RORA: variants seen among roughly 807,000 people sequenced by gnomAD.
The protein encoded by RORA is RAR related orphan receptor A.
In RORA, 7 loss-of-function variants were observed where a neutral mutation model predicts 69.5. That is an observed-to-expected ratio of 0.10 (90% confidence interval 0.06 to 0.19). The LOEUF (loss-of-function observed/expected upper bound fraction) is 0.19, where lower values mean the gene tolerates loss of function less well. Ranked by LOEUF, RORA falls within the 10% of genes least tolerant of loss-of-function variation. The probability of loss-of-function intolerance (pLI) is 1.00; values close to 1 mark genes in which losing one functional copy is unlikely to be tolerated. For synonymous variants in RORA, 261 were observed against 240.8 expected, an observed-to-expected ratio of 1.08 and a Z score of -0.78; for missense variants, 457 against 663.0, an observed-to-expected ratio of 0.69 and a Z score of 3.41.
At chr15:60,525,986 G>T (rs1282420986) in intron 3 of RORA, among the ~76,000 whole-genome samples, 1 of 152,028 alleles carries the variant, frequency 6.6e-6, no homozygotes, top group African/African-American at 2.4e-5. Context: ...GGCATGCATG[G>T]ATTAAAATCA....
rs760218800 is a variant in RORA at position 60,514,764 on chromosome 15, T to G, written c.283-7A>C. 1.9e-6 allele frequency: 3 copies of G among 1,612,780 alleles called. No individual in the cohort carries two copies. In the African/African-American group the frequency reaches 4.0e-5, roughly 22 times the overall value. ...GACTTCTCCTGAAAAAGCCCTGTGA[T>G]ATGGTTATAAAATATAAAACAGGTT... On this transcript the variant is annotated splice_polypyrimidine_tract_variant and splice_region_variant and intron_variant, in intron 3 of 10. Coordinates refer to ENST00000335670, the MANE Select transcript of RORA (RefSeq NM_134261.3).
intron 3 of RORA, among the ~76,000 whole-genome samples, chr15:60,515,516 T>C (rs2141342038): frequency 6.6e-6 from 1 of 152,280 alleles, no homozygotes; most frequent in Middle Eastern, 3.4e-3. Context: ...ACTTTATTTT[T>C]GTTTGTTTTT....
At chr15:61,026,145 AATT>A (rs1367718928) in intron 1 of RORA, among the ~76,000 whole-genome samples, 1 of 152,192 alleles carries the variant, frequency 6.6e-6, no homozygotes, top group East Asian at 1.9e-4. Context: ...GAGCTACCAC[AATT>A]ATTATCAACC....
chr15:60,967,343 C>T (rs1055057609), intron 1 of RORA, among the ~76,000 whole-genome samples: 2 of 152,130 alleles, frequency 1.3e-5, no homozygotes, highest in Non-Finnish European at 2.9e-5. Context: ...ACCCCTACCC[C>T]CAAATATTAC....
intron 2 of RORA, among the ~76,000 whole-genome samples, chr15:60,674,457 C>T (rs540656195): frequency 6.6e-6 from 1 of 152,244 alleles, no homozygotes; most frequent in South Asian, 2.1e-4. Context: ...AATTCAAAGC[C>T]AAGTCTCTGG....
intron 1 of RORA, among the ~76,000 whole-genome samples, chr15:61,177,600 G>C (rs1417233077): frequency 2.0e-5 from 3 of 152,000 alleles, no homozygotes; most frequent in Non-Finnish European, 4.4e-5. Flanking sequence ...GCCAGGGTGG[G>C]AGTCAAAGAG....
intron 2 of RORA, among the ~76,000 whole-genome samples, chr15:60,536,149 A>G (rs1225814840): frequency 6.6e-6 from 1 of 152,226 alleles, no homozygotes; most frequent in Non-Finnish European, 1.5e-5. Flanking sequence ...AAGGCCGGGC[A>G]GATTACTTAA....
In RORA at chr15:60,497,362, T is replaced by C; in HGVS notation, c.*93A>G. The C allele has an allele frequency of 9.5e-7, 1 of 1,048,056 alleles. No homozygotes were observed. The highest frequency in any genetic ancestry group is 1.6e-5 in the South Asian group (1 of 63,766). 64.9% of individuals were successfully genotyped at this position (1,048,056 alleles called of 1,614,324 possible). A position where few individuals can be genotyped will look rare whatever the true frequency, so the allele number is the denominator to read the frequency against. Reference sequence around the variant, plus strand: ...TGTGCAGTGTGTGGCGCTCCAGGTCTGTGCAGGGCCATATAAAGTGTCTCG... The same window carrying C: ...TGTGCAGTGTGTGGCGCTCCAGGTCCGTGCAGGGCCATATAAAGTGTCTCG... On this transcript the variant is annotated 3_prime_UTR_variant, in exon 11 of 11. Coordinates refer to ENST00000335670, the MANE Select transcript of RORA (RefSeq NM_134261.3).
chr15:60,611,559 CAAAAA>C (rs533598270), intron 2 of RORA, among the ~76,000 whole-genome samples: 770 of 35,732 alleles, frequency 0.022, 3 homozygotes, highest in Middle Eastern at 0.042. Flanking sequence ...TTGAGTTTTG[CAAAAA>C]AAAAAAAAAA....
intron 1 of RORA, among the ~76,000 whole-genome samples, chr15:61,126,828 G>A (rs147606896): frequency 2.7e-4 from 41 of 152,304 alleles, no homozygotes; most frequent in East Asian, 3.9e-4. Flanking sequence ...ATTCCATGCC[G>A]CTGGAGTGCA....
At chr15:60,575,327 T>G (rs2067994324) in intron 2 of RORA, among the ~76,000 whole-genome samples, 1 of 152,206 alleles carries the variant, frequency 6.6e-6, no homozygotes, top group African/African-American at 2.4e-5. Context: ...GGCTGATACT[T>G]GGCCTTCATG....
chr15:60,822,002 T>G (rs1195619592), intron 1 of RORA, among the ~76,000 whole-genome samples: 1 of 134,704 alleles, frequency 7.4e-6, no homozygotes, highest in Non-Finnish European at 1.7e-5. Flanking sequence ...AGTAGCAGTA[T>G]TCACAGAAGC....
chr15:60,519,038 ATTG>A (rs1406854659), intron 3 of RORA, among the ~76,000 whole-genome samples: 6 of 152,180 alleles, frequency 3.9e-5, no homozygotes, highest in African/African-American at 1.2e-4. Flanking sequence ...TATTATTATT[ATTG>A]TTGTTAATCT....
At chr15:60,592,942 G>T in intron 2 of RORA, 1 of 455,630 alleles carries the variant, frequency 2.2e-6, no homozygotes, top group Non-Finnish European at 4.4e-6. Context: ...AGCACTCGGG[G>T]GCGATAAATG....
intron 1 of RORA, among the ~76,000 whole-genome samples, chr15:60,883,169 AGAGAGAGAGAG>A: frequency 7.4e-6 from 1 of 134,346 alleles, no homozygotes; most frequent in Non-Finnish European, 1.6e-5. Context: ...AGAGAGAGAG[AGAGAGAGAGAG>A]AGAAAGAAAG....
intron 1 of RORA, among the ~76,000 whole-genome samples, chr15:60,958,276 T>A (rs1434059214): frequency 6.6e-6 from 1 of 152,234 alleles, no homozygotes; most frequent in South Asian, 2.1e-4. Context: ...TTTGCGTGCA[T>A]GGAGCATCAA....
chr15:60,937,209 C>G (rs1418217980), intron 1 of RORA, among the ~76,000 whole-genome samples: 1 of 152,142 alleles, frequency 6.6e-6, no homozygotes, highest in Non-Finnish European at 1.5e-5. Flanking sequence ...CAACCTGCCC[C>G]CTCTGACACA....
intron 1 of RORA, among the ~76,000 whole-genome samples, chr15:61,052,761 C>T (rs2078032012): frequency 6.6e-6 from 1 of 152,112 alleles, no homozygotes; most frequent in Non-Finnish European, 1.5e-5. Flanking sequence ...ATCAATAAGA[C>T]AAAAGCAGAA....
chr15:60,585,478 C>A (rs2068307541), intron 2 of RORA, among the ~76,000 whole-genome samples: 1 of 152,018 alleles, frequency 6.6e-6, no homozygotes, highest in Non-Finnish European at 1.5e-5. Flanking sequence ...TATTACCCCC[C>A]AAAAGCTACT....
Sources: allele counts gnomAD v4.1 joint callset (sites outside exome capture counted in the v4.1 genomes callset), GRCh38; gene constraint gnomAD v4.1.1; transcripts MANE v1.5; gene names NCBI Gene and HGNC (gene_info 2026-07-23, HGNC 2026-07-21).